ADGRG4: variants seen among roughly 807,000 people sequenced by gnomAD.
The protein encoded by ADGRG4 is G protein-coupled receptor 112.
In ADGRG4, 122 loss-of-function variants were observed where a neutral mutation model predicts 126.2. The observed-to-expected ratio is 0.97, with a 90% CI of 0.83 to 1.12. ADGRG4 has a LOEUF of 1.12. ADGRG4 is among the 50% of genes most tolerant of loss of function. ADGRG4 has a pLI of 0.00. For synonymous variants in ADGRG4, 943 were observed against 838.7 expected, an observed-to-expected ratio of 1.12 and a Z score of -2.15; for missense variants, 2,481 against 2,251.8, an observed-to-expected ratio of 1.10 and a Z score of -2.06.
chrX:136,409,331 T>G (rs899969317), intron 23 of ADGRG4, among the ~76,000 whole-genome samples: 2 of 111,405 alleles, frequency 1.8e-5, no homozygotes, highest in African/African-American at 6.5e-5. Context: ...GATCAATCTG[T>G]TATGGGAAAG....
Position 136,416,510 on chromosome X carries a change from A to G in ADGRG4, c.*19A>G, listed in dbSNP as rs1359359860. 1.7e-6 allele frequency: 2 copies of G among 1,150,120 alleles called. No individual in the cohort carries two copies. The highest frequency in any genetic ancestry group is 2.4e-6 in the Non-Finnish European group (2 of 843,369). 94.8% of individuals were successfully genotyped at this position (1,150,120 alleles called of 1,213,427 possible). A position where few individuals can be genotyped will look rare whatever the true frequency, so the allele number is the denominator to read the frequency against. On this transcript the variant is annotated 3_prime_UTR_variant, in exon 26 of 26. Transcript: ENST00000394143. The stretch of plus-strand genomic sequence containing the variant: ...TCCTTGATTTGTGAAGTTGTGCCTA[A>G]TTATGTAAAAAGAATATAATACCTG...
At chrX:136,332,095 G>A (rs1039266576) in intron 5 of ADGRG4, among the ~76,000 whole-genome samples, 12 of 108,259 alleles carry the variant, frequency 1.1e-4, no homozygotes, top group East Asian at 2.9e-4. Flanking sequence ...ATGCTGATGC[G>A]CTGCACACAC....
chrX:136,345,550 C>T lies in ADGRG4; in HGVS notation c.1844C>T (p.Ala615Val), dbSNP rs775604661. The T allele has an allele frequency of 1.2e-5, 15 of 1,209,775 alleles. No individual in the cohort carries two copies. The highest frequency in any genetic ancestry group is 1.7e-5 in the Non-Finnish European group (15 of 894,058). ...GRVYTQNTPT[A>V]DGHLLTLMST... ...GTTTACACCCAGAATACACCTACAG[C>T]TGATGGACACTTGCTTACTTTGATG... Residue 615 changes from alanine (A) to valine (V), a missense_variant, in exon 6 of 26, where the codon GCT becomes GTT. Physicochemically the swap from Ala to Val is moderately conservative, Grantham distance 64. Coordinates refer to ENST00000394143, the MANE Select transcript of ADGRG4 (RefSeq NM_153834.4).
Position 136,348,999 on chromosome X carries a change from A to G in ADGRG4, c.5293A>G (p.Ile1765Val), listed in dbSNP as rs748959592. 56 of 1,206,388 alleles carry G rather than the reference A, an allele frequency of 4.6e-5. No homozygotes were observed. In the South Asian group the frequency reaches 9.3e-4, roughly 20 times the overall value. The change falls in exon 6 of 26, where the codon ATT becomes GTT. Residue 1765 changes from isoleucine (I) to valine (V), a missense_variant. Transcript: ENST00000394143. ...AGATAGTCTCCATACTTCCTTCAAT[A>G]TTCAGGTTTCCCCATCTCTGACTAG... ...HADSLHTSFN[I>V]QVSPSLTSFK...
rs771250955 is a variant in ADGRG4, at chrX:136,359,197, A to G, written c.6981-95A>G. Reference sequence around the variant, plus strand: ...AAATGTTTGACATTTATGAACTACCAATTAAATCAGCTGTACAGAATTTCT... The same window carrying G: ...AAATGTTTGACATTTATGAACTACCGATTAAATCAGCTGTACAGAATTTCT... On this transcript the variant is annotated intron_variant, in intron 10 of 25. Transcript: ENST00000394143. 1.5e-5 allele frequency: 10 copies of G among 672,685 alleles called. No homozygotes were observed. In the South Asian group the frequency reaches 1.7e-4, roughly 11 times the overall value. The allele number at this position is 672,685 out of a possible 1,213,427, so 55.4% of individuals were successfully genotyped here.
intron 5 of ADGRG4, among the ~76,000 whole-genome samples, chrX:136,331,548 G>A (rs1173082659): frequency 8.9e-6 from 1 of 112,278 alleles, no homozygotes; most frequent in East Asian, 2.8e-4. Context: ...CAATGTATAA[G>A]GGATCTAGTT....
chrX:136,326,622 A>G (rs1192481710), intron 5 of ADGRG4, among the ~76,000 whole-genome samples: 2 of 111,340 alleles, frequency 1.8e-5, no homozygotes, highest in Admixed American at 9.6e-5. Context: ...AAATTAGGCT[A>G]CTAGCTGTAG....
At position 136,304,969 on chromosome X, in the gene ADGRG4, GCTGGGCCAAGCACTTTA is replaced by G. The variant is rs750245474; in HGVS notation, c.-62_-46del. On this transcript the variant is annotated 5_prime_UTR_variant, in exon 3 of 26. Coordinates refer to ENST00000394143, the MANE Select transcript of ADGRG4 (RefSeq NM_153834.4). The stretch of plus-strand genomic sequence containing the variant: ...GTGGTGCTGGAACCTGGTGCTAGGC[GCTGGGCCAAGCACTTTA>G]CATACTGTGTGTTATGTAATCTTCA... 3.6e-5 allele frequency: 4 copies of G among 112,090 alleles called. No homozygotes were observed. In the South Asian group the frequency reaches 1.5e-3, roughly 42 times the overall value. The allele number at this position is 112,090 out of a possible 1,213,427, so 9.2% of individuals were successfully genotyped here. A position where few individuals can be genotyped will look rare whatever the true frequency, so the allele number is the denominator to read the frequency against.
rs1490820677 is a variant in ADGRG4 at position 136,397,891 on chromosome X, G to C, written c.8195G>C (p.Arg2732Thr). The C allele has an allele frequency of 8.3e-7, 1 of 1,205,278 alleles. No homozygotes were observed. The highest frequency in any genetic ancestry group is 1.8e-5 in the South Asian group (1 of 56,655). ...CATTGTGTTCCTTAGGATTTATCCA[G>C]GTCTACAGTGGATTCAGTGAATGAA... ...THFGVLMDLS[R>T]STVDSVNEQI... Residue 2732 changes from arginine to threonine, a missense_variant, in exon 20 of 26, where the codon AGG becomes ACG. By Grantham distance (71) the Arg-to-Thr change is moderately conservative. Coordinates refer to ENST00000394143, the MANE Select transcript of ADGRG4 (RefSeq NM_153834.4).
chrX:136,348,119 T>C lies in ADGRG4; in HGVS notation c.4413T>C (p.Ala1471=), dbSNP rs767572496. Residue 1471 remains alanine, a synonymous_variant, in exon 6 of 26, where the codon GCT becomes GCC. Coordinates refer to ENST00000394143, the MANE Select transcript of ADGRG4 (RefSeq NM_153834.4). Reference sequence around the variant, plus strand: ...CTGAGTCCTTGTCTCTTTCCACAGCTGGACTATATAATGACGGTTTTACAG... The same window carrying C: ...CTGAGTCCTTGTCTCTTTCCACAGCCGGACTATATAATGACGGTTTTACAG... ...TFPESLSLST[A]GLYNDGFTVL... 1 of 1,210,765 alleles carries C rather than the reference T, an allele frequency of 8.3e-7. No individual in the cohort carries two copies. The highest frequency in any genetic ancestry group is 3.0e-5 in the East Asian group (1 of 33,815).
chrX:136,375,886 T>A (rs1246820258), intron 15 of ADGRG4, among the ~76,000 whole-genome samples: 2 of 112,354 alleles, frequency 1.8e-5, no homozygotes, highest in Non-Finnish European at 3.8e-5. Flanking sequence ...AGCTTTTTAG[T>A]TTAATTTGAT....
At chrX:136,414,022 T>A in intron 24 of ADGRG4, 138 bp from the exon 25 acceptor site, 1 of 487,393 alleles carries the variant, frequency 2.1e-6, no homozygotes, top group East Asian at 4.2e-5. Flanking sequence ...ATTACAGGCG[T>A]GAGCCACTGC....
intron 22 of ADGRG4, among the ~76,000 whole-genome samples, chrX:136,404,263 C>T (rs12008023): frequency 1.1e-3 from 117 of 110,383 alleles, no homozygotes; most frequent in African/African-American, 3.7e-3. Context: ...CCATCCTCCC[C>T]CTTTGCCCGT....
Position 136,405,768 on chromosome X carries a change from T to C in ADGRG4, c.8731T>C (p.Ser2911Pro). 8.3e-7 allele frequency: 1 copy of C among 1,205,174 alleles called. No individual in the cohort carries two copies. Among genetic ancestry groups the C allele is most frequent in the East Asian group, 3.0e-5 (1 of 33,762 alleles). Reference protein sequence around the residue: ...YFCLIFLMNLSMFCTVLVQLN... With the variant: ...YFCLIFLMNLPMFCTVLVQLN... ...TTGCCTCATATTTCTCATGAATCTC[T>C]CCATGTTCTGCACTGTTCTTGTTCA... The change falls in exon 23 of 26, where the codon TCC becomes CCC. Residue 2911 changes from serine to proline, a missense_variant. Physicochemically the swap from Ser to Pro is moderately conservative, Grantham distance 74. Coordinates refer to ENST00000394143, the MANE Select transcript of ADGRG4 (RefSeq NM_153834.4).
intron 4 of ADGRG4, among the ~76,000 whole-genome samples, chrX:136,319,737 A>G (rs2074827734): frequency 9.1e-6 from 1 of 109,311 alleles, no homozygotes; most frequent in African/African-American, 3.3e-5. Context: ...CTATCTATCT[A>G]TCTATCTATC....
intron 5 of ADGRG4, among the ~76,000 whole-genome samples, chrX:136,328,046 A>G (rs1569317597): frequency 9.0e-6 from 1 of 111,660 alleles, no homozygotes; most frequent in Non-Finnish European, 1.9e-5. Flanking sequence ...ATTTACATGT[A>G]AATATATTTT....
chrX:136,353,529 C>T, intron 8 of ADGRG4, 128 bp downstream of exon 8: 4 of 487,702 alleles, frequency 8.2e-6, no homozygotes. Flanking sequence ...GTTGCATCTT[C>T]CTTCCTGAGT....
intron 13 of ADGRG4, among the ~76,000 whole-genome samples, chrX:136,365,876 GACT>G (rs1176394575): frequency 9.0e-6 from 1 of 111,428 alleles, no homozygotes; most frequent in African/African-American, 3.3e-5. Context: ...AATGTTTATA[GACT>G]TTATTTTTTA....
In ADGRG4 at chrX:136,371,509, C is replaced by G. The variant is rs1310242177; in HGVS notation, c.7578C>G (p.Asn2526Lys). 8.4e-7 allele frequency: 1 copy of G among 1,192,643 alleles called. No homozygotes were observed. Among genetic ancestry groups the G allele is most frequent in the East Asian group, 3.0e-5 (1 of 33,546 alleles). ...QIINVVLEKQ[N>K]NSASDLHEIS... ...TCAACGTTGTTTTGGAAAAGCAAAA[C>G]AATTCCGCCTCTGATCTGCATGAAA... Residue 2526 changes from asparagine (N) to lysine (K), a missense_variant, in exon 14 of 26, where the codon AAC (asparagine) becomes AAG (lysine). Asn to Lys is a moderately conservative substitution (Grantham distance 94). Transcript: ENST00000394143.
Sources: allele counts gnomAD v4.1 joint callset (sites outside exome capture counted in the v4.1 genomes callset), GRCh38; gene constraint gnomAD v4.1.1; transcripts MANE v1.5; gene names NCBI Gene and HGNC (gene_info 2026-07-23, HGNC 2026-07-21).